Variants in CACNB2 observed in about 807,000 individuals in gnomAD.
CACNB2 encodes voltage-dependent L-type calcium channel subunit beta-2.
Under a neutral mutation model 73.3 loss-of-function variants are expected in CACNB2, and 42 were observed. That is an observed-to-expected ratio of 0.57 (90% CI 0.45 to 0.74). CACNB2 has a LOEUF of 0.74. Among genes scored for constraint, CACNB2 ranks in the 30% least tolerant of loss-of-function variants. CACNB2 has a pLI of 0.00. For missense variants in CACNB2, 940 were observed against 853.0 expected (o/e 1.10, Z -1.27); for synonymous variants, 348 against 310.3 (o/e 1.12, Z -1.28).
intron 3 of CACNB2, among the ~76,000 whole-genome samples, chr10:18,412,394 G>T (rs1302273771): frequency 2.6e-5 from 4 of 152,172 alleles, no homozygotes; most frequent in Admixed American, 2.0e-4. Context: ...AAACAACGCT[G>T]TCCTCCCTTC....
chr10:18,362,340 G>T (rs1249739006), intron 2 of CACNB2, among the ~76,000 whole-genome samples: 1 of 152,170 alleles, frequency 6.6e-6, no homozygotes, highest in East Asian at 1.9e-4. Flanking sequence ...GTTTTCTAAA[G>T]ATCCTCTCTT....
At chr10:18,518,472 G>A (rs1025345744) in intron 8 of CACNB2, 56 bp downstream of exon 8, 5 of 1,168,504 alleles carry the variant, frequency 4.3e-6, no homozygotes, top group Non-Finnish European at 6.4e-6. Context: ...TCTTTGTGAT[G>A]CTGCCTCCTA....
At chr10:18,339,240 G>T (rs1811346363) in intron 2 of CACNB2, among the ~76,000 whole-genome samples, 3 of 151,832 alleles carry the variant, frequency 2.0e-5, no homozygotes, top group South Asian at 4.2e-4. Flanking sequence ...CCACCAACAG[G>T]CTGGGCACAG....
intron 3 of CACNB2, among the ~76,000 whole-genome samples, chr10:18,425,479 C>T (rs903689170): frequency 6.6e-6 from 1 of 151,988 alleles, no homozygotes; most frequent in African/African-American, 2.4e-5. Flanking sequence ...CCAGCCCGGA[C>T]AATCTAACAG....
At chr10:18,285,842 T>C (rs1187085954) in intron 2 of CACNB2, among the ~76,000 whole-genome samples, 2 of 152,342 alleles carry the variant, frequency 1.3e-5, no homozygotes, top group East Asian at 3.9e-4. Flanking sequence ...AATATTGCTG[T>C]TCATTAGTTT....
chr10:18,151,947 G>A (rs1362803734), intron 2 of CACNB2, among the ~76,000 whole-genome samples: 1 of 152,202 alleles, frequency 6.6e-6, no homozygotes, highest in Non-Finnish European at 1.5e-5. Flanking sequence ...TTCCACCCCT[G>A]CCCCCTGTTT....
At chr10:18,142,970 G>A (rs2030576124) in intron 1 of CACNB2, among the ~76,000 whole-genome samples, 1 of 152,108 alleles carries the variant, frequency 6.6e-6, no homozygotes, top group Non-Finnish European at 1.5e-5. Flanking sequence ...TTGAAGGATG[G>A]GTCAGATTAC....
At chr10:18,195,362 A>G (rs2131286063) in intron 2 of CACNB2, among the ~76,000 whole-genome samples, 1 of 152,326 alleles carries the variant, frequency 6.6e-6, no homozygotes, top group South Asian at 2.1e-4. Context: ...CAAGCCCATC[A>G]ACACACATTG....
chr10:18,388,265 G>C (rs1455363957), intron 2 of CACNB2, among the ~76,000 whole-genome samples: 1 of 152,154 alleles, frequency 6.6e-6, no homozygotes, highest in Non-Finnish European at 1.5e-5. Flanking sequence ...TATATGTCCA[G>C]TATTTTATTA....
intron 3 of CACNB2, among the ~76,000 whole-genome samples, chr10:18,497,324 C>T (rs1383766750): frequency 2.0e-5 from 3 of 152,022 alleles, no homozygotes; most frequent in African/African-American, 7.2e-5. Context: ...CCATTTTCAC[C>T]ATTTCTGAGC....
chr10:18,377,940 A>G (rs1038699110), intron 2 of CACNB2, among the ~76,000 whole-genome samples: 15 of 152,206 alleles, frequency 9.9e-5, no homozygotes, highest in Non-Finnish European at 5.9e-5. Context: ...TAAAATTATA[A>G]TTATGATAGA....
intron 3 of CACNB2, among the ~76,000 whole-genome samples, chr10:18,424,501 A>C (rs1294093425): frequency 6.6e-6 from 1 of 152,126 alleles, no homozygotes; most frequent in Non-Finnish European, 1.5e-5. Flanking sequence ...GTCTGATTGA[A>C]AGCTGCTTTC....
At chr10:18,209,286 A>G (rs2035223571) in intron 2 of CACNB2, among the ~76,000 whole-genome samples, 1 of 152,076 alleles carries the variant, frequency 6.6e-6, no homozygotes, top group Non-Finnish European at 1.5e-5. Flanking sequence ...TGAGTTTATT[A>G]TTTTTATTTT....
chr10:18,400,985 C>G (rs1235845759), intron 2 of CACNB2: 3 of 1,613,578 alleles, frequency 1.9e-6, no homozygotes. Flanking sequence ...CACTGAGAAC[C>G]TGTGCCCGGG....
At chr10:18,187,816 C>T (rs1256563384) in intron 2 of CACNB2, among the ~76,000 whole-genome samples, 2 of 152,016 alleles carry the variant, frequency 1.3e-5, no homozygotes, top group African/African-American at 4.8e-5. Context: ...TTATAAAGAC[C>T]GAACGATGCT....
intron 3 of CACNB2, among the ~76,000 whole-genome samples, chr10:18,423,914 A>G (rs1228956853): frequency 1.3e-5 from 2 of 152,190 alleles, no homozygotes; most frequent in African/African-American, 4.8e-5. Flanking sequence ...ATTTTTCTGC[A>G]GGTGTTGACT....
At chr10:18,431,582 G>T (rs1183404834) in intron 3 of CACNB2, among the ~76,000 whole-genome samples, 1 of 152,052 alleles carries the variant, frequency 6.6e-6, no homozygotes, top group Non-Finnish European at 1.5e-5. Flanking sequence ...GAGCTGATCA[G>T]GCTTTTTCCC....
intron 3 of CACNB2, among the ~76,000 whole-genome samples, chr10:18,407,449 G>GT (rs1323718491): frequency 6.6e-6 from 1 of 151,546 alleles, no homozygotes; most frequent in Non-Finnish European, 1.5e-5. Context: ...TTTGATTTTT[G>GT]TTTTTTTAAA....
intron 2 of CACNB2, among the ~76,000 whole-genome samples, chr10:18,394,108 A>T (rs1421681688): frequency 6.6e-6 from 1 of 151,920 alleles, no homozygotes; most frequent in Non-Finnish European, 1.5e-5. Flanking sequence ...TGCCTGGCTA[A>T]TTTTTGTATT....
Sources: gnomAD v4.1 joint callset for allele counts (sites outside exome capture counted in the v4.1 genomes callset) on GRCh38, gnomAD v4.1.1 for gene constraint, MANE v1.5 for transcripts, NCBI Gene and HGNC (gene_info 2026-07-23, HGNC 2026-07-21) for gene names.